The following SDR42E2 variants were observed in gnomAD, a reference collection of about 807,000 sequenced individuals.
The protein encoded by SDR42E2 is putative short-chain dehydrogenase/reductase family 42E member 2.
SDR42E2 carries 20 observed loss-of-function variants against 10.5 expected under a neutral mutation model. The ratio of observed to expected loss-of-function variants is 1.90; its 90% CI spans 1.34 to 2.77. The LOEUF (loss-of-function observed/expected upper bound fraction) is 2.77. Ranked by LOEUF, SDR42E2 falls within the 30% of genes most tolerant of loss-of-function variation. The pLI is 0.00. For synonymous variants in SDR42E2, 72 were observed against 39.2 expected (o/e 1.84, Z -3.12); for missense variants, 162 against 104.2 (o/e 1.55, Z -2.42).
chr16:22,181,345 A>T (rs934215878), intron 8 of SDR42E2, among the ~76,000 whole-genome samples, 174 bp from the exon 9 acceptor site: 1 of 152,200 alleles, frequency 6.6e-6, no homozygotes, highest in South Asian at 2.1e-4. Flanking sequence ...GGAGCTGGTG[A>T]GTTTGAGTTT....
chr16:22,174,014 G>A lies in SDR42E2; in HGVS notation c.589+1683G>A, dbSNP rs532165006. Among the ~76,000 whole-genome samples, 14 of 150,428 alleles carry A rather than the reference G, an allele frequency of 9.3e-5. No homozygotes were observed. In the East Asian group the frequency reaches 2.8e-3, roughly 30 times the overall value. On this transcript the variant is annotated intron_variant, in intron 7 of 12. Transcript: ENST00000602312. Reference sequence around the variant, plus strand: ...AACTATCTAAACTTGAGAGCCAGGTGGATTTGGAGAGTCGGAGGCTTAAAA... The same window carrying A: ...AACTATCTAAACTTGAGAGCCAGGTAGATTTGGAGAGTCGGAGGCTTAAAA...
At chr16:22,178,726 G>C (rs1164189942) in intron 8 of SDR42E2, among the ~76,000 whole-genome samples, 2 of 152,234 alleles carry the variant, frequency 1.3e-5, no homozygotes, top group Non-Finnish European at 2.9e-5. Flanking sequence ...GGAAACCCAG[G>C]AGGGCTCCCT....
intron 4 of SDR42E2, among the ~76,000 whole-genome samples, chr16:22,167,603 G>A (rs562170797): frequency 1.4e-4 from 22 of 152,130 alleles, no homozygotes; most frequent in Non-Finnish European, 2.8e-4. Flanking sequence ...CCTCTTCAGA[G>A]AGCAATGTAA....
intron 8 of SDR42E2, 103 bp downstream of exon 8, chr16:22,178,315 G>A (rs1489619402): frequency 3.2e-6 from 2 of 633,480 alleles, no homozygotes; most frequent in Non-Finnish European, 5.7e-6. Context: ...CAGTCTCGAG[G>A]CTAAGTGTCC....
Position 22,186,792 on chromosome 16 carries a change from G to T in SDR42E2, c.1012G>T (p.Glu338Ter), listed in dbSNP as rs2046739585. ...CSLPPLLTRSEVRSVAVTHTF... is the reference protein window; with the variant it reads ...CSLPPLLTRS ...CCTCCCACCGCTGCTCACTCGTAGTGAGGTAAGTGGGCTGCTGTTATGGGA... is the reference window on the plus strand; with the variant it reads ...CCTCCCACCGCTGCTCACTCGTAGTTAGGTAAGTGGGCTGCTGTTATGGGA... Residue 338 changes from glutamate to a stop codon, truncating the protein, a stop_gained and splice_region_variant, in exon 12 of 13, where the codon GAG becomes TAG. Transcript: ENST00000602312. LOFTEE classifies it high-confidence loss of function. The T allele has an allele frequency of 2.5e-6, 1 of 401,236 alleles. No individual in the cohort carries two copies. The highest frequency in any genetic ancestry group is 4.4e-6 in the Non-Finnish European group (1 of 226,256). The allele number at this position is 401,236 out of a possible 1,614,324, so 24.9% of individuals were successfully genotyped here.
rs768582147 is a variant in SDR42E2, at chr16:22,181,596, T to C, written c.750T>C (p.Asn250=). The change falls in exon 9 of 13, where the codon AAT becomes AAC. Residue 250 remains asparagine, a synonymous_variant. Coordinates refer to ENST00000602312, the MANE Select transcript of SDR42E2 (RefSeq NM_001394319.2). ...GGATGAACTGGGTCCACGTACACAA[T>C]CTGGTGCAGGCACACGTGCTGGCGG... ...KARMNWVHVH[N]LVQAHVLAAE... is the part of the protein sequence containing the mutation. 1.6e-5 allele frequency: 11 copies of C among 702,988 alleles called. No individual in the cohort carries two copies. The highest frequency in any genetic ancestry group is 1.5e-4 in the South Asian group (10 of 67,608). The allele number at this position is 702,988 out of a possible 1,614,324, so 43.5% of individuals were successfully genotyped here.
intron 3 of SDR42E2, 105 bp from the exon 4 acceptor site, chr16:22,166,799 G>A: frequency 2.1e-6 from 1 of 469,140 alleles, no homozygotes; most frequent in Non-Finnish European, 3.9e-6. Flanking sequence ...GGCTTGGCCT[G>A]GGCTGGGTCA....
intron 11 of SDR42E2, 43 bp downstream of exon 11, chr16:22,184,287 G>A (rs2046720110): frequency 5.0e-6 from 2 of 400,512 alleles, no homozygotes; most frequent in Non-Finnish European, 4.4e-6. Context: ...CATGTGCCAG[G>A]TGTACCTTGC....
chr16:22,183,922 C>G (rs909775415), intron 10 of SDR42E2, among the ~76,000 whole-genome samples: 2 of 141,858 alleles, frequency 1.4e-5, no homozygotes, highest in East Asian at 4.6e-4. Context: ...CATCAAGACC[C>G]CTGATTCTCT....
At chr16:22,180,429 G>A (rs539122140) in intron 8 of SDR42E2, among the ~76,000 whole-genome samples, 4 of 152,072 alleles carry the variant, frequency 2.6e-5, no homozygotes, top group Non-Finnish European at 4.4e-5. Flanking sequence ...GGCTGAGCAC[G>A]CTGGCTCATG....
At chr16:22,163,771 G>A (rs2046514119) in intron 1 of SDR42E2, among the ~76,000 whole-genome samples, 1 of 152,052 alleles carries the variant, frequency 6.6e-6, no homozygotes, top group Admixed American at 6.6e-5. Context: ...TCCTCACCCA[G>A]ACATTTGGTG....
rs1248101302 is a variant in SDR42E2 at position 22,190,187 on chromosome 16, G to A, written c.1063G>A (p.Ala355Thr). ...CACCTTCCAGATAGCCAAGGCCCGC[G>A]CCCAGCTCGGCTACGCGCCGGATAA... Reference protein sequence around the residue: ...THTFQIAKARAQLGYAPDKFR... With the variant: ...THTFQIAKARTQLGYAPDKFR... Residue 355 changes from alanine to threonine, a missense_variant, in exon 13 of 13, where the codon GCC (alanine) becomes ACC (threonine). Ala to Thr is a moderately conservative substitution (Grantham distance 58, BLOSUM62 0). Coordinates refer to ENST00000602312, the MANE Select transcript of SDR42E2 (RefSeq NM_001394319.2). 2.5e-6 allele frequency: 1 copy of A among 401,070 alleles called. No individual in the cohort carries two copies. The highest frequency in any genetic ancestry group is 4.4e-6 in the Non-Finnish European group (1 of 226,128). The allele number at this position is 401,070 out of a possible 1,614,324, so 24.8% of individuals were successfully genotyped here. A position where few individuals can be genotyped will look rare whatever the true frequency, so the allele number is the denominator to read the frequency against.
At chr16:22,165,920 C>T (rs1370030126) in intron 2 of SDR42E2, among the ~76,000 whole-genome samples, 1 of 144,322 alleles carries the variant, frequency 6.9e-6, no homozygotes, top group Non-Finnish European at 1.5e-5. Flanking sequence ...GTACCTGGGC[C>T]AGGAGCTGGG....
chr16:22,176,084 C>T (rs940841998), intron 7 of SDR42E2, among the ~76,000 whole-genome samples: 1 of 151,654 alleles, frequency 6.6e-6, no homozygotes, highest in Non-Finnish European at 1.5e-5. Context: ...CTATAATTAA[C>T]AACTATTTAT....
chr16:22,184,606 GA>G (rs2046722971), intron 11 of SDR42E2, among the ~76,000 whole-genome samples: 1 of 152,046 alleles, frequency 6.6e-6, no homozygotes, highest in Non-Finnish European at 1.5e-5. Flanking sequence ...TGTCTCAAAA[GA>G]AAAACAAGAA....
chr16:22,186,121 C>G (rs2046734687), intron 11 of SDR42E2, among the ~76,000 whole-genome samples: 2 of 152,094 alleles, frequency 1.3e-5, no homozygotes, highest in Admixed American at 1.3e-4. Flanking sequence ...TCTCCTACTC[C>G]AGAGAGCATT....
rs2046767489 is a variant in SDR42E2, at chr16:22,190,568, G to A, written c.*175G>A. ...CTCTCCAGACCTAGCCCGGACCGCC[G>A]ACTTCTGGCCACGCCCCTATCTACT... On this transcript the variant is annotated 3_prime_UTR_variant, in exon 13 of 13. Transcript: ENST00000602312. The A allele has an allele frequency of 1.8e-5, 7 of 396,578 alleles. No individual in the cohort carries two copies. Among genetic ancestry groups the A allele is most frequent in the East Asian group, 3.6e-5 (1 of 27,880 alleles). The allele number at this position is 396,578 out of a possible 1,614,324, so 24.6% of individuals were successfully genotyped here.
chr16:22,163,430 G>GC (rs1418683678), intron 1 of SDR42E2, among the ~76,000 whole-genome samples: 1 of 152,216 alleles, frequency 6.6e-6, no homozygotes, highest in African/African-American at 2.4e-5. Context: ...AGTGGGCTGG[G>GC]CGCAGTGGCT....
intron 11 of SDR42E2, among the ~76,000 whole-genome samples, chr16:22,184,821 C>G (rs1258284018): frequency 6.6e-6 from 1 of 152,088 alleles, no homozygotes; most frequent in Non-Finnish European, 1.5e-5. Flanking sequence ...TATGATGGGC[C>G]CATTGTAAAG....
Sources: allele counts gnomAD v4.1 joint callset (sites outside exome capture counted in the v4.1 genomes callset), GRCh38; gene constraint gnomAD v4.1.1; transcripts MANE v1.5; gene names NCBI Gene and HGNC (gene_info 2026-07-23, HGNC 2026-07-21).